The following SOS1 variants were observed in gnomAD, a reference collection of about 807,000 sequenced individuals.
SOS1 encodes SOS Ras/Rac guanine nucleotide exchange factor 1.
In SOS1, 25 loss-of-function variants were observed where a neutral mutation model predicts 157.6. That is an observed-to-expected ratio of 0.16 (90% CI 0.12 to 0.22). SOS1 has a LOEUF of 0.22. SOS1 is among the 10% of genes least tolerant of loss of function. The probability of loss-of-function intolerance (pLI) is 1.00; values close to 1 mark genes in which losing one functional copy is unlikely to be tolerated. For missense variants in SOS1, 1,237 were observed against 1,599.1 expected (o/e 0.77, Z 3.86); for synonymous variants, 528 against 534.0 (o/e 0.99, Z 0.16).
chr2:39,038,354 G>A (rs927236102), intron 6 of SOS1, among the ~76,000 whole-genome samples: 5 of 152,180 alleles, frequency 3.3e-5, no homozygotes, highest in African/African-American at 1.2e-4. Flanking sequence ...AATAGGATTA[G>A]AAGTGGAGCC....
intron 6 of SOS1, among the ~76,000 whole-genome samples, chr2:39,036,000 A>G (rs1216722736): frequency 6.6e-6 from 1 of 152,206 alleles, no homozygotes; most frequent in Non-Finnish European, 1.5e-5. Context: ...ACAATTAAAC[A>G]AAATCCGAAC....
At chr2:39,122,791 G>A (rs1426506991), upstream of SOS1, among the ~76,000 whole-genome samples, 2 of 151,532 alleles carry the variant, frequency 1.3e-5, no homozygotes, top group Non-Finnish European at 2.9e-5. Flanking sequence ...TCATCCACCC[G>A]CCTCGGCCTC....
At position 38,985,994 on chromosome 2, in the gene SOS1, A is replaced by G. The variant is rs750354913; in HGVS notation, c.3832T>C (p.Leu1278=). Residue 1278 remains leucine, a synonymous_variant, in exon 23 of 23, where the codon TTG becomes CTG. Transcript: ENST00000402219. ...GAATGAAGGTCCACTTCTTGTGTCA[A>G]TGGTGGTGATGGCAGATGCCTTCTT... The part of the protein sequence containing the change: ...GTRRHLPSPP[L]TQEVDLHSIA... The G allele has an allele frequency of 1.1e-5, 18 of 1,613,814 alleles. No homozygotes were observed. Among genetic ancestry groups the G allele is most frequent in the Admixed American group, 6.7e-5 (4 of 59,948 alleles).
intron 1 of SOS1, 42 bp downstream of exon 1, chr2:39,120,293 TG>T (rs748677642): frequency 3.9e-6 from 6 of 1,524,938 alleles, no homozygotes; most frequent in South Asian, 1.2e-5. Flanking sequence ...GCGCCCGCGC[TG>T]GGGGGCTGCG....
At chr2:39,053,322 G>GT (rs1486039243) in intron 5 of SOS1, among the ~76,000 whole-genome samples, 1 of 152,164 alleles carries the variant, frequency 6.6e-6, no homozygotes, top group Non-Finnish European at 1.5e-5. Flanking sequence ...GTATGTAGTA[G>GT]TATGTCATGG....
chr2:39,019,106 A>G (rs191015792), intron 10 of SOS1, among the ~76,000 whole-genome samples: 15 of 151,940 alleles, frequency 9.9e-5, no homozygotes, highest in African/African-American at 3.6e-4. Context: ...CTTTAAAGAA[A>G]ACGATCTTCT....
intron 21 of SOS1, among the ~76,000 whole-genome samples, chr2:38,988,525 T>C (rs769485688): frequency 5.9e-5 from 9 of 152,158 alleles, no homozygotes; most frequent in Non-Finnish European, 8.8e-5. Context: ...GCTTTTTATT[T>C]TGTCACATGT....
chr2:39,013,315 A>T lies in SOS1; in HGVS notation c.2167+145T>A, dbSNP rs933218930. 18 of 648,458 alleles carry T rather than the reference A, an allele frequency of 2.8e-5. No homozygotes were observed. In the South Asian group the frequency reaches 3.0e-4, roughly 11 times the overall value. 40.2% of individuals were successfully genotyped at this position (648,458 alleles called of 1,614,324 possible). On this transcript the variant is annotated intron_variant, in intron 13 of 22. Coordinates refer to ENST00000402219, the MANE Select transcript of SOS1 (RefSeq NM_005633.4). Reference sequence around the variant, plus strand: ...CATTTGCAGGTCTAAATGCTATTTGATGAAAATTTTTAACTTTTTGAAATG... The same window carrying T: ...CATTTGCAGGTCTAAATGCTATTTGTTGAAAATTTTTAACTTTTTGAAATG...
chr2:39,051,064 G>A, intron 6 of SOS1, 80 bp downstream of exon 6: 3 of 1,295,752 alleles, frequency 2.3e-6, no homozygotes, highest in Non-Finnish European at 3.4e-6. Context: ...GACTTTAGCT[G>A]GAAAGAAGTA....
upstream of SOS1, among the ~76,000 whole-genome samples, chr2:39,124,675 A>G (rs58998710): frequency 1.5e-3 from 226 of 152,370 alleles, 5 homozygotes; most frequent in East Asian, 0.02. Flanking sequence ...TTTCTGTTCA[A>G]GAACTCACAC....
chr2:39,106,349 G>T (rs989305765), intron 1 of SOS1, among the ~76,000 whole-genome samples: 8 of 152,036 alleles, frequency 5.3e-5, no homozygotes, highest in Non-Finnish European at 1.0e-4. Context: ...CCAGCACTTT[G>T]GGAGGCCGAG....
intron 10 of SOS1, among the ~76,000 whole-genome samples, chr2:39,015,259 A>G (rs1289450254): frequency 6.6e-6 from 1 of 151,874 alleles, no homozygotes; most frequent in Non-Finnish European, 1.5e-5. Context: ...AGATGAGTTT[A>G]TCTAGGATGA....
intron 1 of SOS1, among the ~76,000 whole-genome samples, chr2:39,102,560 A>T (rs1034072085): frequency 6.8e-6 from 1 of 147,950 alleles, no homozygotes; most frequent in Admixed American, 6.8e-5. Context: ...AAAAAAGAAG[A>T]ATTCCGCTTC....
chr2:39,041,512 AAC>A (rs370637673), intron 6 of SOS1, among the ~76,000 whole-genome samples: 137 of 152,252 alleles, frequency 9.0e-4, no homozygotes, highest in African/African-American at 3.1e-3. Flanking sequence ...TGTCCTTTGA[AAC>A]ACAGTTTTTA....
chr2:38,987,795 G>A, intron 21 of SOS1: 1 of 531,432 alleles, frequency 1.9e-6, no homozygotes, highest in Non-Finnish European at 3.4e-6. Flanking sequence ...AGAATATTTA[G>A]AAAAAAGCTG....
At position 38,984,672 on chromosome 2, in the gene SOS1, T is replaced by G. The variant is rs1668501189; in HGVS notation, c.*1152A>C. 6.6e-6 allele frequency: 1 copy of G among 152,186 alleles called. No homozygotes were observed. Among genetic ancestry groups the G allele is most frequent in the African/African-American group, 2.4e-5 (1 of 41,450 alleles). The allele number at this position is 152,186 out of a possible 1,614,324, so 9.4% of individuals were successfully genotyped here. A position where few individuals can be genotyped will look rare whatever the true frequency, so the allele number is the denominator to read the frequency against. Reference sequence around the variant, plus strand: ...TTAGTGTTTTTGTGTGTTTTTCAACTAAAAGAAATAAGAATCAACCATTTT... The same window carrying G: ...TTAGTGTTTTTGTGTGTTTTTCAACGAAAAGAAATAAGAATCAACCATTTT... On this transcript the variant is annotated 3_prime_UTR_variant, in exon 23 of 23. Coordinates refer to ENST00000402219, the MANE Select transcript of SOS1 (RefSeq NM_005633.4).
At chr2:39,008,799 T>C (rs1445753807) in intron 15 of SOS1, among the ~76,000 whole-genome samples, 1 of 152,084 alleles carries the variant, frequency 6.6e-6, no homozygotes, top group Non-Finnish European at 1.5e-5. Flanking sequence ...GATGAGTCTT[T>C]CCAGTACCAC....
chr2:38,996,048 T>C (rs1668878523), intron 19 of SOS1, among the ~76,000 whole-genome samples: 1 of 152,214 alleles, frequency 6.6e-6, no homozygotes, highest in Admixed American at 6.5e-5. Context: ...GTGATTTATC[T>C]TGGTCACTTA....
At chr2:39,106,896 G>A (rs529619973) in intron 1 of SOS1, among the ~76,000 whole-genome samples, 1 of 152,106 alleles carries the variant, frequency 6.6e-6, no homozygotes, top group South Asian at 2.1e-4. Flanking sequence ...AAAAATTTGG[G>A]GTGTTACTTG....
Sources: allele counts gnomAD v4.1 joint callset (sites outside exome capture counted in the v4.1 genomes callset), GRCh38; gene constraint gnomAD v4.1.1; transcripts MANE v1.5; gene names NCBI Gene and HGNC (gene_info 2026-07-23, HGNC 2026-07-21).